The following DUSP16 variants were observed in gnomAD, a reference collection of about 807,000 sequenced individuals.
The protein encoded by DUSP16 is dual specificity protein phosphatase 16.
In DUSP16, 21 loss-of-function variants were observed where a neutral mutation model predicts 58.3. The observed-to-expected ratio is 0.36, with a 90% CI of 0.26 to 0.52. The LOEUF (loss-of-function observed/expected upper bound fraction) is 0.52. Among genes scored for constraint, DUSP16 ranks in the 20% least tolerant of loss-of-function variants. The pLI, the probability that DUSP16 is intolerant of heterozygous loss-of-function variation, is 0.94. For missense variants in DUSP16, 726 were observed against 819.0 expected, an observed-to-expected ratio of 0.89 and a Z score of 1.39; for synonymous variants, 320 against 323.8, an observed-to-expected ratio of 0.99 and a Z score of 0.12.
chr12:12,530,966 T>C (rs1227848132), intron 1 of DUSP16, among the ~76,000 whole-genome samples: 2 of 152,202 alleles, frequency 1.3e-5, no homozygotes, highest in Admixed American at 6.5e-5. Flanking sequence ...CAAGTTAGAT[T>C]ACTATATTGA....
intron 3 of DUSP16, among the ~76,000 whole-genome samples, chr12:12,503,799 T>G (rs987528630): frequency 6.6e-6 from 1 of 152,216 alleles, no homozygotes; most frequent in South Asian, 2.1e-4. Context: ...TGGTTTCATT[T>G]ATTGAAGTCT....
At chr12:12,552,970 G>A (rs575447728) in intron 1 of DUSP16, among the ~76,000 whole-genome samples, 7 of 151,952 alleles carry the variant, frequency 4.6e-5, no homozygotes, top group African/African-American at 9.7e-5. Context: ...TAGTAGAGAC[G>A]GGGTTTTACC....
In DUSP16 at chr12:12,500,625, A is replaced by G; in HGVS notation, c.425T>C (p.Leu142Pro). Residue 142 changes from leucine (L) to proline (P), a missense_variant, in exon 4 of 7, where the codon CTA becomes CCA. Coordinates refer to ENST00000298573, the MANE Select transcript of DUSP16 (RefSeq NM_030640.3). ...FPGLCEGKST[L>P]VPTCISQPCL... ...AGGCTGAGAAATGCAGGTAGGGACT[A>G]GAGTGGATTTTCCTTCACAGAGGCC... 1.9e-6 allele frequency: 3 copies of G among 1,610,308 alleles called. No homozygotes were observed. Among genetic ancestry groups the G allele is most frequent in the Non-Finnish European group, 2.5e-6 (3 of 1,178,420 alleles).
chr12:12,550,780 T>C (rs1160148376), intron 1 of DUSP16, among the ~76,000 whole-genome samples: 3 of 151,724 alleles, frequency 2.0e-5, no homozygotes, highest in African/African-American at 7.3e-5. Flanking sequence ...TTAGGAGAAA[T>C]ACCTAATGTA....
chr12:12,502,545 G>A, intron 3 of DUSP16, among the ~76,000 whole-genome samples: 1 of 143,844 alleles, frequency 7.0e-6, no homozygotes, highest in South Asian at 2.1e-4. Flanking sequence ...CAGTTTCATG[G>A]TTTCATTTTT....
chr12:12,498,267 T>C (rs1476431401), intron 4 of DUSP16, among the ~76,000 whole-genome samples: 3 of 152,146 alleles, frequency 2.0e-5, no homozygotes, highest in African/African-American at 7.2e-5. Flanking sequence ...TGTAACATTT[T>C]TGGAATACTG....
intron 1 of DUSP16, among the ~76,000 whole-genome samples, chr12:12,527,840 A>G (rs909808634): frequency 6.6e-6 from 1 of 152,200 alleles, no homozygotes; most frequent in Non-Finnish European, 1.5e-5. Context: ...CCTCGCACTG[A>G]CATACCACAC....
intron 3 of DUSP16, among the ~76,000 whole-genome samples, chr12:12,507,679 C>T (rs10845564): frequency 0.076 from 11,624 of 152,144 alleles, 908 homozygotes; most frequent in East Asian, 0.39. Flanking sequence ...GTGCGATCTC[C>T]GCTCACCGCA....
At chr12:12,535,317 G>A (rs778649967) in intron 1 of DUSP16, among the ~76,000 whole-genome samples, 2 of 152,128 alleles carry the variant, frequency 1.3e-5, no homozygotes, top group Non-Finnish European at 2.9e-5. Context: ...TCCCATAGAA[G>A]AAGATAAATA....
At chr12:12,512,015 T>G (rs1301949323) in intron 3 of DUSP16, among the ~76,000 whole-genome samples, 1 of 152,214 alleles carries the variant, frequency 6.6e-6, no homozygotes, top group African/African-American at 2.4e-5. Flanking sequence ...TCTAGTCTGT[T>G]TGTTTCAAAA....
chr12:12,541,837 A>C (rs574496184), intron 1 of DUSP16, among the ~76,000 whole-genome samples: 1 of 152,382 alleles, frequency 6.6e-6, no homozygotes, highest in Admixed American at 6.5e-5. Flanking sequence ...TAATTTAAGA[A>C]AGGAAATGGA....
intron 1 of DUSP16, among the ~76,000 whole-genome samples, chr12:12,557,412 G>GCGC (rs1592217823): frequency 6.7e-6 from 1 of 149,812 alleles, no homozygotes; most frequent in African/African-American, 2.5e-5. Context: ...AGCCGAGATG[G>GCGC]CGCCACTGCA....
intron 1 of DUSP16, among the ~76,000 whole-genome samples, chr12:12,540,577 A>G (rs1248676240): frequency 1.3e-5 from 2 of 152,208 alleles, no homozygotes; most frequent in Admixed American, 1.3e-4. Flanking sequence ...AAGCAATTTC[A>G]TAAGATATCT....
chr12:12,518,132 G>A (rs1404439266), intron 3 of DUSP16, among the ~76,000 whole-genome samples: 1 of 152,194 alleles, frequency 6.6e-6, no homozygotes, highest in Non-Finnish European at 1.5e-5. Context: ...TGTTGAGTAA[G>A]GTCTCCCCAT....
At chr12:12,510,537 G>GAGCA (rs1004538471) in intron 3 of DUSP16, among the ~76,000 whole-genome samples, 2 of 152,166 alleles carry the variant, frequency 1.3e-5, no homozygotes, top group African/African-American at 4.8e-5. Flanking sequence ...AGACGTCATA[G>GAGCA]AGCAGTGAGG....
chr12:12,507,274 C>T (rs1387711231), intron 3 of DUSP16, among the ~76,000 whole-genome samples: 2 of 152,182 alleles, frequency 1.3e-5, no homozygotes, highest in African/African-American at 2.4e-5. Flanking sequence ...AGATCCCTCT[C>T]CTTTTAGCAG....
rs1051569070 is a variant in DUSP16 at position 12,545,910 on chromosome 12, T to C, written c.-366+16207A>G. 5.3e-5 allele frequency among the ~76,000 whole-genome samples: 8 copies of C among 152,284 alleles called. No individual in the cohort carries two copies. The Middle Eastern group carries it at 0.01, about 194-fold the overall frequency. On this transcript the variant is annotated intron_variant, in intron 1 of 6. Coordinates refer to ENST00000298573, the MANE Select transcript of DUSP16 (RefSeq NM_030640.3). ...CCAAATTCAAAGCCGGTAAGAGAAA[T>C]GGTAACCAAATCACAGTTCTAGAGC... is the stretch of plus-strand genomic sequence containing the variant.
intron 3 of DUSP16, 144 bp downstream of exon 3, chr12:12,519,718 C>A (rs114855321): frequency 1.3e-6 from 1 of 791,864 alleles, no homozygotes; most frequent in East Asian, 2.7e-5. Context: ...TTAAATAGAA[C>A]GGTGACATCA....
chr12:12,535,124 G>A (rs1468081661), intron 1 of DUSP16, among the ~76,000 whole-genome samples: 1 of 152,328 alleles, frequency 6.6e-6, no homozygotes, highest in South Asian at 2.1e-4. Context: ...TCAAGAGTCT[G>A]CCTGGCACAT....
Sources: allele counts gnomAD v4.1 joint callset (sites outside exome capture counted in the v4.1 genomes callset), GRCh38; gene constraint gnomAD v4.1.1; transcripts MANE v1.5; gene names NCBI Gene and HGNC (gene_info 2026-07-23, HGNC 2026-07-21).